The following ACP1 variants were observed in gnomAD, a reference collection of about 807,000 sequenced individuals.
The protein encoded by ACP1 is acid phosphatase 1, also known as low molecular weight phosphotyrosine protein phosphatase.
A neutral mutation model predicts 23.4 loss-of-function variants in ACP1; 23 were observed. The ratio of observed to expected loss-of-function variants is 0.98; its 90% CI spans 0.71 to 1.39. The LOEUF (loss-of-function observed/expected upper bound fraction) is 1.39, where lower values mean the gene tolerates loss of function less well. Ranked by LOEUF, ACP1 falls within the 40% of genes most tolerant of loss-of-function variation. The probability of loss-of-function intolerance (pLI) is 0.00; values close to 1 mark genes in which losing one functional copy is unlikely to be tolerated. For missense variants in ACP1, 180 were observed against 197.7 expected, an observed-to-expected ratio of 0.91 and a Z score of 0.54; for synonymous variants, 72 against 67.2, an observed-to-expected ratio of 1.07 and a Z score of -0.35.
At chr2:273,927 G>A (rs770606099) in intron 3 of ACP1, among the ~76,000 whole-genome samples, 1 of 152,044 alleles carries the variant, frequency 6.6e-6, no homozygotes, top group Non-Finnish European at 1.5e-5. Context: ...TAACACTTTG[G>A]GAGGCTCAAC....
Position 277,657 on chromosome 2 carries a change from A to T in ACP1, c.*353A>T, listed in dbSNP as rs1308212804. 3.5e-6 allele frequency: 1 copy of T among 288,820 alleles called. No individual in the cohort carries two copies. The highest frequency in any genetic ancestry group is 6.7e-6 in the Non-Finnish European group (1 of 148,752). The allele number at this position is 288,820 out of a possible 1,614,324, so 17.9% of individuals were successfully genotyped here. Reference sequence around the variant, plus strand: ...CATCTAAGCCTGTTGAGACTTAGATAATCGAGTCTACCTCTTCAGTAGGTT... The same window carrying T: ...CATCTAAGCCTGTTGAGACTTAGATTATCGAGTCTACCTCTTCAGTAGGTT... On this transcript the variant is annotated 3_prime_UTR_variant, in exon 6 of 6. Transcript: ENST00000272065.
At chr2:275,052 G>A (rs1336294095) in intron 3 of ACP1, 88 bp from the exon 4 acceptor site, 7 of 529,858 alleles carry the variant, frequency 1.3e-5, no homozygotes, top group Non-Finnish European at 2.3e-5. Context: ...CTCAAATACA[G>A]CAGTTTTTTT....
At chr2:270,171 ACTTT>A (rs1335133273) in intron 1 of ACP1, among the ~76,000 whole-genome samples, 3 of 152,194 alleles carry the variant, frequency 2.0e-5, no homozygotes, top group Non-Finnish European at 4.4e-5. Flanking sequence ...GTTTTAAACA[ACTTT>A]CTGTCTTCAG....
At chr2:275,971 ATTTT>A (rs1670160495) in intron 4 of ACP1, among the ~76,000 whole-genome samples, 1 of 152,152 alleles carries the variant, frequency 6.6e-6, no homozygotes, top group South Asian at 2.1e-4. Context: ...AAATGCATGT[ATTTT>A]TTAATTTTTA....
intron 1 of ACP1, among the ~76,000 whole-genome samples, chr2:267,553 A>C (rs1228285831): frequency 6.6e-6 from 1 of 152,202 alleles, no homozygotes; most frequent in East Asian, 1.9e-4. Flanking sequence ...AGCAGGTAAA[A>C]GTTTTGAAGG....
chr2:274,662 T>G (rs1012164782), intron 3 of ACP1: 3 of 152,314 alleles, frequency 2.0e-5, no homozygotes, highest in African/African-American at 7.2e-5. Context: ...CTTTATTTCC[T>G]CCAGGGCATC....
intron 2 of ACP1, 39 bp from the exon 3 acceptor site, chr2:271,998 C>CAAAAAAAA (rs34887991): frequency 7.6e-7 from 1 of 1,317,768 alleles, no homozygotes. Context: ...CAGGAAATTG[C>CAAAAAAAA]AAAAAAAAAA....
chr2:270,347 A>G (rs1454995260), intron 1 of ACP1, among the ~76,000 whole-genome samples: 1 of 152,190 alleles, frequency 6.6e-6, no homozygotes, highest in Non-Finnish European at 1.5e-5. Context: ...CCAGCCCGTC[A>G]GTTTCCAGAC....
At chr2:272,292 A>G (rs746919048) in intron 3 of ACP1, 142 bp downstream of exon 3, 4 of 1,613,624 alleles carry the variant, frequency 2.5e-6, no homozygotes, top group South Asian at 1.1e-5. Flanking sequence ...CACACAGCCC[A>G]TAAAGCAAGA....
At chr2:266,793 G>A (rs1382899519) in intron 1 of ACP1, among the ~76,000 whole-genome samples, 1 of 150,250 alleles carries the variant, frequency 6.7e-6, no homozygotes, top group East Asian at 1.9e-4. Flanking sequence ...CTCGGTATAA[G>A]TTTTTTTTTT....
intron 1 of ACP1, among the ~76,000 whole-genome samples, chr2:270,383 G>A (rs775319105): frequency 6.6e-6 from 1 of 152,038 alleles, no homozygotes; most frequent in Non-Finnish European, 1.5e-5. Context: ...CTGAAGCATC[G>A]CAGCCTCACC....
intron 1 of ACP1, chr2:269,385 A>C (rs1457712113): frequency 2.1e-6 from 1 of 468,644 alleles, no homozygotes. Flanking sequence ...GTAGAAACTG[A>C]AGGCTGTAGT....
chr2:268,895 T>C (rs1669961483), intron 1 of ACP1, among the ~76,000 whole-genome samples: 1 of 152,250 alleles, frequency 6.6e-6, no homozygotes, highest in Non-Finnish European at 1.5e-5. Flanking sequence ...AAGCTACTGC[T>C]AGCCTTTAGG....
chr2:265,543 G>A (rs141627989), intron 1 of ACP1, among the ~76,000 whole-genome samples: 1 of 152,146 alleles, frequency 6.6e-6, no homozygotes, highest in Non-Finnish European at 1.5e-5. Flanking sequence ...CATGAAAAAT[G>A]AAAGTGTATT....
rs546832604 is a variant in ACP1 at position 265,214 on chromosome 2, T to TC, written c.43+211dup. 1,226 of 519,434 alleles carry TC rather than the reference T, an allele frequency of 2.4e-3. 26 individuals are homozygous for TC. The South Asian group carries it at 0.033, about 14-fold the overall frequency. The allele number at this position is 519,434 out of a possible 1,614,324, so 32.2% of individuals were successfully genotyped here. On this transcript the variant is annotated intron_variant, in intron 1 of 5. Coordinates refer to ENST00000272065, the MANE Select transcript of ACP1 (RefSeq NM_004300.4). Reference sequence around the variant, plus strand: ...GCCCAGCCTGCCCGCTAAACCTGGGTCCCCTCGCGCCTGCCATATATCCGG... The same window carrying TC: ...GCCCAGCCTGCCCGCTAAACCTGGGTCCCCCTCGCGCCTGCCATATATCCGG...
intron 3 of ACP1, chr2:272,459 C>T (rs1474635629): frequency 8.3e-6 from 12 of 1,440,624 alleles, no homozygotes; most frequent in South Asian, 1.5e-5. Flanking sequence ...TCTGGTTGCA[C>T]GGTGTTGAAA....
chr2:277,115 A>G, intron 5 of ACP1, 30 bp downstream of exon 5: 1 of 1,576,884 alleles, frequency 6.3e-7, no homozygotes, highest in Non-Finnish European at 8.7e-7. Context: ...TAGGGCTAAT[A>G]TGAAGACCCA....
Position 272,063 on chromosome 2 carries a change from CG to C in ACP1, c.147del (p.Tyr50MetfsTer3), listed in dbSNP as rs1670054322. On this transcript the variant is annotated frameshift_variant, in exon 3 of 6. Transcript: ENST00000272065. LOFTEE classifies it high-confidence loss of function. ...NWRVDSAATS[G>X]YEIGNPPDYR... ...GGAGGGTAGACAGCGCGGCAACTTC[CG>C]GGTATGAGATAGGGAACCCCCCTGA... 4 of 1,614,054 alleles carry C rather than the reference CG, an allele frequency of 2.5e-6. No homozygotes were observed. Among genetic ancestry groups the C allele is most frequent in the African/African-American group, 1.3e-5 (1 of 74,988 alleles).
chr2:268,223 G>C (rs1669941061), intron 1 of ACP1, among the ~76,000 whole-genome samples: 2 of 152,220 alleles, frequency 1.3e-5, no homozygotes, highest in South Asian at 2.1e-4. Flanking sequence ...TTTACTGGTT[G>C]CATTCTGAGG....
Sources: allele counts gnomAD v4.1 joint callset (sites outside exome capture counted in the v4.1 genomes callset), GRCh38; gene constraint gnomAD v4.1.1; transcripts MANE v1.5; gene names NCBI Gene and HGNC (gene_info 2026-07-23, HGNC 2026-07-21).